The following IST1 variants were observed in gnomAD, a reference collection of about 807,000 sequenced individuals.
IST1 encodes IST1 homolog.
In IST1, 23 loss-of-function variants were observed where a neutral mutation model predicts 37.0. That is an observed-to-expected ratio of 0.62 (90% CI 0.45 to 0.88). The LOEUF (loss-of-function observed/expected upper bound fraction) is 0.88, where lower values mean the gene tolerates loss of function less well. IST1 is among the 40% of genes least tolerant of loss of function. The pLI is 0.00. For synonymous variants in IST1, 180 were observed against 161.7 expected, an observed-to-expected ratio of 1.11 and a Z score of -0.86; for missense variants, 488 against 445.4, an observed-to-expected ratio of 1.10 and a Z score of -0.86.
chr16:71,899,996 CA>C (rs71153680), intron 1 of IST1, among the ~76,000 whole-genome samples: 1,683 of 117,932 alleles, frequency 0.014, 6 homozygotes, highest in Non-Finnish European at 0.018. Context: ...GACTCTGTCT[CA>C]AAAAAAAAAA....
intron 4 of IST1, among the ~76,000 whole-genome samples, chr16:71,917,693 T>C (rs2037494435): frequency 6.6e-6 from 1 of 152,166 alleles, no homozygotes; most frequent in Non-Finnish European, 1.5e-5. Context: ...ATCTTTGCCT[T>C]TCTGTTTTAT....
chr16:71,911,882 G>A (rs575562714), intron 1 of IST1, among the ~76,000 whole-genome samples: 23 of 151,854 alleles, frequency 1.5e-4, no homozygotes, highest in East Asian at 5.9e-4. Context: ...ATGCCATGGC[G>A]AATTTTTGTA....
chr16:71,925,092 A>G (rs899877387), intron 9 of IST1, among the ~76,000 whole-genome samples: 17 of 149,204 alleles, frequency 1.1e-4, no homozygotes, highest in Non-Finnish European at 2.1e-4. Context: ...GGCTCACTGC[A>G]AGCTCCGCCT....
intron 1 of IST1, among the ~76,000 whole-genome samples, chr16:71,901,398 A>G (rs764455351): frequency 5.3e-5 from 8 of 152,256 alleles, no homozygotes; most frequent in Middle Eastern, 3.4e-3. Flanking sequence ...TGTTTTTAGT[A>G]GAGATGGGGT....
intron 1 of IST1, among the ~76,000 whole-genome samples, chr16:71,900,579 A>G (rs1426242622): frequency 1.3e-5 from 2 of 152,106 alleles, no homozygotes; most frequent in African/African-American, 4.8e-5. Context: ...TTGCTATGCC[A>G]GTGTTAAGAA....
Position 71,929,770 on chromosome 16 carries a change from A to T in IST1, c.*1957A>T. The stretch of plus-strand genomic sequence containing the variant: ...AAGTACCAAAGATTTTTAAAAAATT[A>T]GTAAATGTAAAGATACTATTTCTTT... On this transcript the variant is annotated 3_prime_UTR_variant, in exon 10 of 10. Transcript: ENST00000378799. The T allele has an allele frequency of 8.1e-7, 1 of 1,240,874 alleles. No individual in the cohort carries two copies. The highest frequency in any genetic ancestry group is 2.5e-5 in the East Asian group (1 of 39,216). The allele number at this position is 1,240,874 out of a possible 1,614,324, so 76.9% of individuals were successfully genotyped here.
chr16:71,924,705 T>G, intron 8 of IST1, 64 bp from the exon 9 acceptor site: 1 of 1,268,164 alleles, frequency 7.9e-7, no homozygotes, highest in Non-Finnish European at 1.2e-6. Flanking sequence ...CACAGGGGCT[T>G]ACACCAGTAC....
intron 1 of IST1, among the ~76,000 whole-genome samples, chr16:71,914,523 A>C (rs1017085017): frequency 6.6e-6 from 1 of 152,196 alleles, no homozygotes; most frequent in African/African-American, 2.4e-5. Flanking sequence ...ACAGGTAATC[A>C]GTAAATACTT....
At chr16:71,895,474 A>G (rs540757112), upstream of IST1, 3 of 979,874 alleles carry the variant, frequency 3.1e-6, no homozygotes, top group African/African-American at 1.8e-5. Context: ...GCGTGGCTAT[A>G]TCGGCCCCGT....
In IST1 at chr16:71,927,919, T is replaced by G. The variant is rs1693501553; in HGVS notation, c.*106T>G. ...TTCTGTTTCATCTGTTAACCGTCAC[T>G]CAGCACAACACTCCCTCTGGGCTCT... On this transcript the variant is annotated 3_prime_UTR_variant, in exon 10 of 10. Transcript: ENST00000378799. The G allele has an allele frequency of 1.3e-6, 1 of 792,336 alleles. No individual in the cohort carries two copies. The highest frequency in any genetic ancestry group is 1.7e-5 in the African/African-American group (1 of 59,100). 49.1% of individuals were successfully genotyped at this position (792,336 alleles called of 1,614,324 possible). A position where few individuals can be genotyped will look rare whatever the true frequency, so the allele number is the denominator to read the frequency against.
intron 4 of IST1, among the ~76,000 whole-genome samples, chr16:71,919,699 T>A (rs1383549704): frequency 6.6e-5 from 10 of 152,152 alleles, no homozygotes; most frequent in Admixed American, 6.6e-4. Flanking sequence ...GCCTTAGTCA[T>A]CCTTTAAATC....
chr16:71,930,114 C>T lies in IST1; in HGVS notation c.*2301C>T, dbSNP rs1370980009. ...ATGGCCGAAACGAAAAGATTAATTA[C>T]CACAAGTACCATCAAGATGACACTG... On this transcript the variant is annotated 3_prime_UTR_variant, in exon 10 of 10. Coordinates refer to ENST00000378799, the MANE Select transcript of IST1 (RefSeq NM_001270975.2). 1.3e-6 allele frequency: 2 copies of T among 1,551,578 alleles called. No individual in the cohort carries two copies. The highest frequency in any genetic ancestry group is 2.4e-5 in the East Asian group (1 of 40,916).
chr16:71,927,949 C>T lies in IST1; in HGVS notation c.*136C>T. 1 of 659,852 alleles carries T rather than the reference C, an allele frequency of 1.5e-6. No homozygotes were observed. The highest frequency in any genetic ancestry group is 1.8e-5 in the South Asian group (1 of 55,930). The allele number at this position is 659,852 out of a possible 1,614,324, so 40.9% of individuals were successfully genotyped here. A position where few individuals can be genotyped will look rare whatever the true frequency, so the allele number is the denominator to read the frequency against. ...ACAACACTCCCTCTGGGCTCTCTTCCTGCTCCTCCAGATTCTGCTGCTTTC... is the reference window on the plus strand; with the variant it reads ...ACAACACTCCCTCTGGGCTCTCTTCTTGCTCCTCCAGATTCTGCTGCTTTC... On this transcript the variant is annotated 3_prime_UTR_variant, in exon 10 of 10. Transcript: ENST00000378799.
chr16:71,904,615 C>T (rs779995584), intron 1 of IST1, among the ~76,000 whole-genome samples: 1 of 152,192 alleles, frequency 6.6e-6, no homozygotes, highest in African/African-American at 2.4e-5. Context: ...GGATCTTGCT[C>T]TTAGTCTGGT....
At chr16:71,904,243 C>T (rs1329569655) in intron 1 of IST1, among the ~76,000 whole-genome samples, 3 of 152,202 alleles carry the variant, frequency 2.0e-5, no homozygotes, top group Non-Finnish European at 4.4e-5. Flanking sequence ...CCTGCCTCAG[C>T]CTCCCAAGTA....
chr16:71,895,252 T>G, upstream of IST1: 1 of 158,238 alleles, frequency 6.3e-6, no homozygotes, highest in East Asian at 1.9e-4. Flanking sequence ...TCAACAGCTG[T>G]GGCTGGCCTC....
intron 1 of IST1, among the ~76,000 whole-genome samples, chr16:71,914,099 C>T (rs1007895716): frequency 1.2e-4 from 12 of 97,188 alleles, no homozygotes; most frequent in Admixed American, 4.5e-4. Context: ...TGAGCCACTG[C>T]GCCCGGCTGG....
At chr16:71,897,828 C>A (rs1388247379) in intron 1 of IST1, among the ~76,000 whole-genome samples, 1 of 151,922 alleles carries the variant, frequency 6.6e-6, no homozygotes, top group Non-Finnish European at 1.5e-5. Context: ...GCCTGTAGTC[C>A]CAGCTACTCC....
intron 1 of IST1, among the ~76,000 whole-genome samples, chr16:71,908,366 C>G (rs1159975437): frequency 1.6e-5 from 2 of 127,964 alleles, no homozygotes; most frequent in Non-Finnish European, 3.1e-5. Context: ...ATGGCACGAT[C>G]TCGGCTCACT....
Sources: allele counts gnomAD v4.1 joint callset (sites outside exome capture counted in the v4.1 genomes callset), GRCh38; gene constraint gnomAD v4.1.1; transcripts MANE v1.5; gene names NCBI Gene and HGNC (gene_info 2026-07-23, HGNC 2026-07-21).